Variants in GRIK3 observed in about 807,000 individuals in gnomAD.
The protein encoded by GRIK3 is glutamate receptor ionotropic, kainate 3.
Under a neutral mutation model 102.5 loss-of-function variants are expected in GRIK3, and 29 were observed. That is an observed-to-expected ratio of 0.28 (90% CI 0.21 to 0.39). The LOEUF is 0.39. GRIK3 is among the 10% of genes least tolerant of loss of function. The pLI is 1.00. For synonymous variants in GRIK3, 511 were observed against 504.9 expected (o/e 1.01, Z -0.16); for missense variants, 908 against 1,252.4 (o/e 0.73, Z 4.15).
intron 2 of GRIK3, among the ~76,000 whole-genome samples, chr1:36,885,810 T>G (rs993649297): frequency 6.6e-6 from 1 of 152,200 alleles, no homozygotes; most frequent in Non-Finnish European, 1.5e-5. Flanking sequence ...CTGCAGTAAT[T>G]ACATTATTTG....
At chr1:36,822,767 C>T (rs1642709800) in intron 11 of GRIK3, among the ~76,000 whole-genome samples, 1 of 152,182 alleles carries the variant, frequency 6.6e-6, no homozygotes, top group African/African-American at 2.4e-5. Flanking sequence ...GGGCTGCTCA[C>T]CCTCAGCCCT....
intron 13 of GRIK3, among the ~76,000 whole-genome samples, chr1:36,816,038 C>A (rs146469717): frequency 1.3e-5 from 2 of 150,760 alleles, no homozygotes; most frequent in Non-Finnish European, 3.0e-5. Flanking sequence ...CATGAGCCAC[C>A]GTGCCTGGCC....
chr1:36,928,739 C>CAAA (rs1268074454), intron 1 of GRIK3, among the ~76,000 whole-genome samples: 1 of 152,248 alleles, frequency 6.6e-6, no homozygotes, highest in East Asian at 1.9e-4. Flanking sequence ...CAAACTTCTT[C>CAAA]AGCCTCATTC....
At chr1:36,864,841 A>ATTTT (rs570003008) in intron 5 of GRIK3, among the ~76,000 whole-genome samples, 38 of 134,470 alleles carry the variant, frequency 2.8e-4, no homozygotes, top group African/African-American at 9.8e-4. Flanking sequence ...GTCCAGCTCC[A>ATTTT]TTTTTTTTTT....
chr1:36,988,743 A>C (rs566126194), intron 1 of GRIK3, among the ~76,000 whole-genome samples: 1 of 152,210 alleles, frequency 6.6e-6, no homozygotes, highest in Non-Finnish European at 1.5e-5. Context: ...CTCTACATTA[A>C]CTGCCTATGT....
intron 5 of GRIK3, among the ~76,000 whole-genome samples, chr1:36,860,743 G>A (rs1326547150): frequency 6.6e-6 from 1 of 152,192 alleles, no homozygotes; most frequent in African/African-American, 2.4e-5. Flanking sequence ...GGAGAAGCCA[G>A]GTGTCCCTAA....
intron 1 of GRIK3, among the ~76,000 whole-genome samples, chr1:36,957,301 CCG>C (rs1171864150): frequency 4.0e-5 from 6 of 151,572 alleles, no homozygotes; most frequent in South Asian, 2.1e-4. Context: ...CCCCACGAGC[CCG>C]TGTGCCTCAT....
rs536781860 is a variant in GRIK3, at chr1:36,956,100, C to T, written c.116-65004G>A. ...GAGGAGTCCTGAGCCGTGGGGTGCT[C>T]GGCCTGGGGGACGGCAGGCCCTAGA... On this transcript the variant is annotated intron_variant, in intron 1 of 15. Coordinates refer to ENST00000373091, the MANE Select transcript of GRIK3 (RefSeq NM_000831.4). Among the ~76,000 whole-genome samples the T allele has an allele frequency of 7.9e-5, 12 of 152,328 alleles. No homozygotes were observed. In the South Asian group the frequency reaches 1.0e-3, roughly 13 times the overall value.
chr1:36,838,489 C>T (rs1268909926), intron 10 of GRIK3, among the ~76,000 whole-genome samples: 7 of 152,096 alleles, frequency 4.6e-5, no homozygotes, highest in African/African-American at 1.7e-4. Flanking sequence ...TTATTGTTGT[C>T]CCTATAGTTC....
intron 15 of GRIK3, chr1:36,804,595 C>T: frequency 2.7e-6 from 1 of 373,252 alleles, no homozygotes; most frequent in Non-Finnish European, 4.8e-6. Flanking sequence ...TAATGAAACC[C>T]TATGCAACCA....
rs1020248373 is a variant in GRIK3, at chr1:36,909,503, G to A, written c.116-18407C>T. Among the ~76,000 whole-genome samples the A allele has an allele frequency of 5.9e-5, 9 of 152,236 alleles. No homozygotes were observed. The East Asian group carries it at 7.7e-4, about 13-fold the overall frequency. ...TTTGGTAGAGACGGGGTTTCACCAC[G>A]TTGACCAGGCTGATTTCGAACTCTT... On this transcript the variant is annotated intron_variant, in intron 1 of 15. Coordinates refer to ENST00000373091, the MANE Select transcript of GRIK3 (RefSeq NM_000831.4).
chr1:36,835,668 T>C (rs1198690541), intron 10 of GRIK3, among the ~76,000 whole-genome samples: 2 of 152,234 alleles, frequency 1.3e-5, no homozygotes, highest in Non-Finnish European at 2.9e-5. Context: ...TTTCGTGCAA[T>C]TGATGAAGGA....
chr1:36,989,824 G>T (rs1642346032), intron 1 of GRIK3, among the ~76,000 whole-genome samples: 1 of 152,092 alleles, frequency 6.6e-6, no homozygotes, highest in African/African-American at 2.4e-5. Context: ...CTCCCATCCT[G>T]TACCAACAAT....
chr1:36,860,490 G>A (rs965754411), intron 5 of GRIK3, among the ~76,000 whole-genome samples: 1 of 152,192 alleles, frequency 6.6e-6, no homozygotes, highest in Non-Finnish European at 1.5e-5. Flanking sequence ...GACTCAAAAA[G>A]TATGGCCCTC....
rs776824788 is a variant in GRIK3 at position 36,880,699 on chromosome 1, G to C, written c.485C>G (p.Ala162Gly). ...GAGGTACTGGACCAGGTCGAGGATG[G>C]CATGGCTGAGCGAGGCGTAGTCGGG... ...LYPDYASLSH[A>G]ILDLVQYLKW... Residue 162 changes from alanine (A) to glycine (G), a missense_variant, in exon 3 of 16, where the codon GCC becomes GGC. Physicochemically the swap from Ala to Gly is moderately conservative, Grantham distance 60 (BLOSUM62 0). Coordinates refer to ENST00000373091, the MANE Select transcript of GRIK3 (RefSeq NM_000831.4). The surrounding 1 kb of genome is among the most constrained non-coding windows in gnomAD (Gnocchi z 5.4). 1 of 1,614,092 alleles carries C rather than the reference G, an allele frequency of 6.2e-7. No homozygotes were observed. The highest frequency in any genetic ancestry group is 8.5e-7 in the Non-Finnish European group (1 of 1,179,936).
At chr1:36,889,299 T>C (rs1405635697) in intron 2 of GRIK3, among the ~76,000 whole-genome samples, 1 of 150,972 alleles carries the variant, frequency 6.6e-6, no homozygotes, top group Non-Finnish European at 1.5e-5. Context: ...GAAAGGGAAT[T>C]ACAAGCAGAG....
At chr1:36,994,848 G>A (rs1025424756) in intron 1 of GRIK3, among the ~76,000 whole-genome samples, 11 of 152,074 alleles carry the variant, frequency 7.2e-5, no homozygotes, top group African/African-American at 2.7e-4. Context: ...ACACTTCCAG[G>A]GTACGTGTTC....
At chr1:36,856,312 G>A (rs549374597) in intron 7 of GRIK3, among the ~76,000 whole-genome samples, 3 of 152,318 alleles carry the variant, frequency 2.0e-5, no homozygotes, top group South Asian at 2.1e-4. Context: ...GCAGGTGCAC[G>A]GCCTGTCTGT....
At chr1:36,932,108 G>C (rs1641597632) in intron 1 of GRIK3, among the ~76,000 whole-genome samples, 1 of 152,120 alleles carries the variant, frequency 6.6e-6, no homozygotes, top group Non-Finnish European at 1.5e-5. Flanking sequence ...ACATCCCACA[G>C]ATCTGCTGGC....
Sources: allele counts gnomAD v4.1 joint callset (sites outside exome capture counted in the v4.1 genomes callset), GRCh38; gene constraint gnomAD v4.1.1; non-coding constraint Gnocchi (gnomAD v3.1); transcripts MANE v1.5; gene names NCBI Gene and HGNC (gene_info 2026-07-23, HGNC 2026-07-21).